DSCAM: variants seen among roughly 807,000 people sequenced by gnomAD.
DSCAM encodes cell adhesion molecule DSCAM.
A neutral mutation model predicts 217.7 loss-of-function variants in DSCAM; 47 were observed. That is an observed-to-expected ratio of 0.22 (90% CI 0.17 to 0.28). The LOEUF (loss-of-function observed/expected upper bound fraction) is 0.28. Among genes scored for constraint, DSCAM ranks in the 10% least tolerant of loss-of-function variants. The probability of loss-of-function intolerance (pLI) is 1.00; values close to 1 mark genes in which losing one functional copy is unlikely to be tolerated. For synonymous variants in DSCAM, 1,056 were observed against 1,015.3 expected, an observed-to-expected ratio of 1.04 and a Z score of -0.76; for missense variants, 2,080 against 2,618.3, an observed-to-expected ratio of 0.79 and a Z score of 4.49.
At chr21:40,240,791 T>C (rs2073142254) in intron 11 of DSCAM, among the ~76,000 whole-genome samples, 1 of 152,192 alleles carries the variant, frequency 6.6e-6, no homozygotes, top group Non-Finnish European at 1.5e-5. Flanking sequence ...GTGCCACTGA[T>C]CCCCTTGTAA....
chr21:40,739,402 T>A (rs1466523096), intron 1 of DSCAM, among the ~76,000 whole-genome samples: 1 of 152,206 alleles, frequency 6.6e-6, no homozygotes, highest in Non-Finnish European at 1.5e-5. Context: ...GCACTACAGA[T>A]GAGTGGCTTA....
chr21:40,166,396 G>A (rs554279795), intron 16 of DSCAM, among the ~76,000 whole-genome samples: 2 of 152,184 alleles, frequency 1.3e-5, no homozygotes, highest in African/African-American at 4.8e-5. Flanking sequence ...TGGATGAAAC[G>A]GAATTTGGCC....
At chr21:40,164,767 A>C (rs1341090573) in intron 16 of DSCAM, among the ~76,000 whole-genome samples, 1 of 152,082 alleles carries the variant, frequency 6.6e-6, no homozygotes, top group Non-Finnish European at 1.5e-5. Context: ...GTGTCATTGC[A>C]CTCCAGCCTG....
intron 11 of DSCAM, among the ~76,000 whole-genome samples, chr21:40,200,835 T>A (rs1219463221): frequency 2.6e-5 from 4 of 152,310 alleles, no homozygotes; most frequent in Middle Eastern, 3.4e-3. Flanking sequence ...TCTGAGGGTG[T>A]TGGAAGAATG....
chr21:40,318,714 GAC>G (rs2074227642), intron 8 of DSCAM, among the ~76,000 whole-genome samples: 1 of 152,222 alleles, frequency 6.6e-6, no homozygotes, highest in African/African-American at 2.4e-5. Flanking sequence ...AAGATGCAGA[GAC>G]ATATGATGAG....
At chr21:40,140,548 C>T (rs772428599) in intron 18 of DSCAM, among the ~76,000 whole-genome samples, 6 of 152,154 alleles carry the variant, frequency 3.9e-5, no homozygotes, top group Non-Finnish European at 8.8e-5. Context: ...TAGCATAACA[C>T]TGCCTTTCAA....
At chr21:40,266,976 G>T (rs927576285) in intron 11 of DSCAM, among the ~76,000 whole-genome samples, 9 of 150,174 alleles carry the variant, frequency 6.0e-5, no homozygotes, top group Non-Finnish European at 1.0e-4. Context: ...GCTAAGCTTT[G>T]GGCACACAAA....
intron 1 of DSCAM, among the ~76,000 whole-genome samples, chr21:40,719,325 T>A (rs1601168712): frequency 6.6e-6 from 1 of 152,270 alleles, no homozygotes; most frequent in East Asian, 1.9e-4. Context: ...GTCTTAAGAA[T>A]GTGGAGCAAC....
chr21:40,582,770 C>A (rs1203981187), intron 3 of DSCAM, among the ~76,000 whole-genome samples: 1 of 152,102 alleles, frequency 6.6e-6, no homozygotes, highest in East Asian at 1.9e-4. Context: ...CATTGCCTTA[C>A]TAGAAGCAAG....
intron 11 of DSCAM, among the ~76,000 whole-genome samples, chr21:40,222,558 T>C (rs1311010328): frequency 6.6e-6 from 1 of 152,238 alleles, no homozygotes; most frequent in Non-Finnish European, 1.5e-5. Flanking sequence ...ATTTTCTTCA[T>C]ATGCTTCAAC....
At position 40,011,243 on chromosome 21, in the gene DSCAM, A is replaced by T. The variant is rs185578961; in HGVS notation, c.*1791T>A. 7 of 152,348 alleles carry T rather than the reference A, an allele frequency of 4.6e-5. No homozygotes were observed. The highest frequency in any genetic ancestry group is 4.6e-4 in the Admixed American group (7 of 15,302). 9.4% of individuals were successfully genotyped at this position (152,348 alleles called of 1,614,324 possible). ...CCTCACATTCCTGGAGTCATCTAAC[A>T]CTAGCATCAGCAGGTGGTCTTGACA... is the stretch of plus-strand genomic sequence containing the variant. On this transcript the variant is annotated 3_prime_UTR_variant, in exon 33 of 33. Transcript: ENST00000400454.
chr21:40,396,679 GCTACTACTA>G (rs3069907), intron 3 of DSCAM, among the ~76,000 whole-genome samples: 2 of 151,058 alleles, frequency 1.3e-5, no homozygotes, highest in African/African-American at 4.9e-5. Context: ...TGCCACTGCT[GCTACTACTA>G]CTACTACTAC....
chr21:40,033,109 A>G (rs1179100537), intron 32 of DSCAM, among the ~76,000 whole-genome samples: 1 of 152,216 alleles, frequency 6.6e-6, no homozygotes, highest in Non-Finnish European at 1.5e-5. Context: ...ACCTCAGAGT[A>G]TAAGAAGGGC....
chr21:40,459,777 T>C (rs891672199), intron 3 of DSCAM, among the ~76,000 whole-genome samples: 2 of 151,458 alleles, frequency 1.3e-5, no homozygotes, highest in African/African-American at 4.9e-5. Flanking sequence ...AAAGTAAACA[T>C]GCAAAAACAA....
chr21:40,573,139 C>G (rs2076821383), intron 3 of DSCAM, among the ~76,000 whole-genome samples: 1 of 152,036 alleles, frequency 6.6e-6, no homozygotes, highest in Admixed American at 6.5e-5. Flanking sequence ...AGATCGAGAC[C>G]ATCCTGGCTA....
Position 40,253,713 on chromosome 21 carries a change from T to C in DSCAM, c.2356+22384A>G, listed in dbSNP as rs1304512738. Among the ~76,000 whole-genome samples the C allele has an allele frequency of 2.0e-5, 3 of 152,232 alleles. No individual in the cohort carries two copies. The East Asian group carries it at 5.8e-4, about 29-fold the overall frequency. On this transcript the variant is annotated intron_variant, in intron 11 of 32. Transcript: ENST00000400454. ...TCTGAGCAATGCAACTCAGACAGCTTCCTGGTTGGTGAATATATGGGTACG... is the reference window on the plus strand; with the variant it reads ...TCTGAGCAATGCAACTCAGACAGCTCCCTGGTTGGTGAATATATGGGTACG...
At chr21:40,728,452 CTT>C (rs1258996647) in intron 1 of DSCAM, among the ~76,000 whole-genome samples, 1 of 150,868 alleles carries the variant, frequency 6.6e-6, no homozygotes, top group African/African-American at 2.4e-5. Flanking sequence ...AACTTTTGCT[CTT>C]GTTGCCCAGG....
intron 3 of DSCAM, among the ~76,000 whole-genome samples, chr21:40,542,053 G>A (rs865860861): frequency 5.9e-5 from 9 of 152,112 alleles, no homozygotes; most frequent in Non-Finnish European, 1.5e-5. Flanking sequence ...GGAACTCAAA[G>A]TTTTAACAAA....
At chr21:40,433,669 G>A (rs1049471903) in intron 3 of DSCAM, among the ~76,000 whole-genome samples, 9 of 152,168 alleles carry the variant, frequency 5.9e-5, no homozygotes, top group Non-Finnish European at 1.2e-4. Flanking sequence ...CACCTGAAGT[G>A]GATGACATCA....
Sources: allele counts gnomAD v4.1 joint callset (sites outside exome capture counted in the v4.1 genomes callset), GRCh38; gene constraint gnomAD v4.1.1; transcripts MANE v1.5; gene names NCBI Gene and HGNC (gene_info 2026-07-23, HGNC 2026-07-21).